Variants in GRIK1 observed in about 807,000 individuals in gnomAD.
GRIK1 encodes glutamate receptor ionotropic, kainate 1.
In GRIK1, 69 loss-of-function variants were observed where a neutral mutation model predicts 105.7. The observed-to-expected ratio is 0.65, with a 90% CI of 0.54 to 0.80. GRIK1 has a LOEUF of 0.80. GRIK1 is among the 30% of genes least tolerant of loss of function. GRIK1 has a pLI of 0.00. For missense variants in GRIK1, 1,109 were observed against 1,167.3 expected (o/e 0.95, Z 0.73); for synonymous variants, 438 against 431.3 (o/e 1.02, Z -0.19).
chr21:29,868,653 C>T (rs942345670), intron 1 of GRIK1, among the ~76,000 whole-genome samples: 16 of 152,144 alleles, frequency 1.1e-4, no homozygotes, highest in African/African-American at 3.9e-4. Context: ...TATCTCTTTC[C>T]TGCCTGGTCC....
chr21:29,595,350 T>TC (rs1202374707), intron 9 of GRIK1, among the ~76,000 whole-genome samples: 2 of 151,524 alleles, frequency 1.3e-5, no homozygotes, highest in East Asian at 1.9e-4. Flanking sequence ...GTTTTTTTTT[T>TC]TTTTTTTCTT....
At chr21:29,910,817 G>A (rs2070789006) in intron 1 of GRIK1, among the ~76,000 whole-genome samples, 1 of 151,880 alleles carries the variant, frequency 6.6e-6, no homozygotes, top group Non-Finnish European at 1.5e-5. Context: ...TGGCTACAGT[G>A]TAATATAGAA....
chr21:29,677,748 G>T (rs1254873014), intron 3 of GRIK1, among the ~76,000 whole-genome samples: 1 of 152,160 alleles, frequency 6.6e-6, no homozygotes, highest in Non-Finnish European at 1.5e-5. Flanking sequence ...GAGGTGAATA[G>T]GTGTCAGTGC....
At chr21:29,656,903 C>T (rs544695871) in intron 4 of GRIK1, among the ~76,000 whole-genome samples, 1 of 152,270 alleles carries the variant, frequency 6.6e-6, no homozygotes, top group African/African-American at 2.4e-5. Context: ...ACAGGAAACT[C>T]CATGAATCAT....
chr21:29,710,445 TA>T (rs1486048509), intron 1 of GRIK1, among the ~76,000 whole-genome samples: 6 of 152,238 alleles, frequency 3.9e-5, no homozygotes, highest in African/African-American at 1.4e-4. Flanking sequence ...CCATTCAGCT[TA>T]AAAAAACTAA....
At chr21:29,867,236 T>G (rs1055139150) in intron 1 of GRIK1, among the ~76,000 whole-genome samples, 4 of 151,870 alleles carry the variant, frequency 2.6e-5, no homozygotes, top group African/African-American at 9.7e-5. Context: ...GAATAAAAGA[T>G]CCTTAGAGAC....
At chr21:29,838,281 A>G (rs1041666032) in intron 1 of GRIK1, among the ~76,000 whole-genome samples, 6 of 152,198 alleles carry the variant, frequency 3.9e-5, no homozygotes, top group African/African-American at 1.4e-4. Context: ...ACTGAATTGG[A>G]CAACCAAGAA....
intron 7 of GRIK1, among the ~76,000 whole-genome samples, chr21:29,632,986 A>G (rs116121387): frequency 2.1e-3 from 313 of 152,300 alleles, no homozygotes; most frequent in African/African-American, 7.2e-3. Flanking sequence ...TTAATCTCCA[A>G]TGCCACAGTA....
intron 1 of GRIK1, chr21:29,763,911 G>C (rs551142611): frequency 6.6e-6 from 1 of 151,878 alleles, no homozygotes; most frequent in Non-Finnish European, 1.5e-5. Context: ...GATTCAGAAA[G>C]AGATGTTCCA....
At chr21:29,908,158 C>T (rs547693997) in intron 1 of GRIK1, among the ~76,000 whole-genome samples, 62 of 151,374 alleles carry the variant, frequency 4.1e-4, no homozygotes, top group Non-Finnish European at 7.4e-4. Flanking sequence ...TTTCTATAGC[C>T]GAAAAAAAGA....
At chr21:29,634,959 A>T (rs796426375) in intron 7 of GRIK1, among the ~76,000 whole-genome samples, 5 of 152,340 alleles carry the variant, frequency 3.3e-5, no homozygotes, top group African/African-American at 1.2e-4. Context: ...CACTTTGCTT[A>T]TATGTGGACA....
chr21:29,638,289 G>A (rs1001331716), intron 7 of GRIK1, among the ~76,000 whole-genome samples: 7 of 152,082 alleles, frequency 4.6e-5, no homozygotes, highest in Non-Finnish European at 1.0e-4. Context: ...AGAGAGAGGA[G>A]AAAGCGAAAG....
At chr21:29,896,832 G>C (rs1312582380) in intron 1 of GRIK1, among the ~76,000 whole-genome samples, 1 of 152,172 alleles carries the variant, frequency 6.6e-6, no homozygotes, top group Admixed American at 6.6e-5. Flanking sequence ...GCTGGAAGCA[G>C]AGTGGACTCA....
At chr21:29,606,690 CAAAACAAAA>C in intron 7 of GRIK1, among the ~76,000 whole-genome samples, 1 of 150,488 alleles carries the variant, frequency 6.6e-6, no homozygotes, top group Non-Finnish European at 1.5e-5. Flanking sequence ...CAAAACAAAA[CAAAACAAAA>C]AAAACAAAAA....
intron 7 of GRIK1, among the ~76,000 whole-genome samples, chr21:29,622,270 A>G (rs1443377322): frequency 6.6e-6 from 1 of 152,200 alleles, no homozygotes; most frequent in Non-Finnish European, 1.5e-5. Flanking sequence ...TCTTGCTCAA[A>G]GAATCCTATA....
At chr21:29,608,048 A>G (rs1160013888) in intron 7 of GRIK1, among the ~76,000 whole-genome samples, 1 of 152,154 alleles carries the variant, frequency 6.6e-6, no homozygotes, top group African/African-American at 2.4e-5. Context: ...ATTAAGAGAT[A>G]ATATTGGCAT....
Position 29,650,719 on chromosome 21 carries a change from G to C in GRIK1, c.954+399C>G, listed in dbSNP as rs1002722751. On this transcript the variant is annotated intron_variant, in intron 6 of 17. Transcript: ENST00000327783. ...TCCGACATTTTTCCACACTGGCTTTGCTTGCTGAAATGTGGCAGAAGTGAG... is the reference window on the plus strand; with the variant it reads ...TCCGACATTTTTCCACACTGGCTTTCCTTGCTGAAATGTGGCAGAAGTGAG... 3.3e-5 allele frequency among the ~76,000 whole-genome samples: 5 copies of C among 152,314 alleles called. No homozygotes were observed. In the East Asian group the frequency reaches 9.6e-4, roughly 29 times the overall value.
At chr21:29,654,888 G>T (rs766877441) in intron 4 of GRIK1, 25 bp from the exon 5 acceptor site, 23 of 1,386,980 alleles carry the variant, frequency 1.7e-5, no homozygotes, top group Admixed American at 8.4e-5. Flanking sequence ...TAAGGGGAAA[G>T]AATCAGGAAC....
chr21:29,618,451 C>T (rs1396429070), intron 7 of GRIK1, among the ~76,000 whole-genome samples: 2 of 152,156 alleles, frequency 1.3e-5, no homozygotes, highest in Non-Finnish European at 2.9e-5. Flanking sequence ...AACAGCGTGG[C>T]GATTCCTTAA....
Sources: allele counts gnomAD v4.1 joint callset (sites outside exome capture counted in the v4.1 genomes callset), GRCh38; gene constraint gnomAD v4.1.1; transcripts MANE v1.5; gene names NCBI Gene and HGNC (gene_info 2026-07-23, HGNC 2026-07-21).